The following CDH6 variants were observed in gnomAD, a reference collection of about 807,000 sequenced individuals.
CDH6 encodes the protein cadherin 6.
In CDH6, 31 loss-of-function variants were observed where a neutral mutation model predicts 78.0. The ratio of observed to expected loss-of-function variants is 0.40; its 90% CI spans 0.30 to 0.54. The LOEUF (loss-of-function observed/expected upper bound fraction) is 0.54, where lower values mean the gene tolerates loss of function less well. Among genes scored for constraint, CDH6 ranks in the 20% least tolerant of loss-of-function variants. CDH6 has a pLI of 0.56. For synonymous variants in CDH6, 376 were observed against 368.8 expected, an observed-to-expected ratio of 1.02 and a Z score of -0.23; for missense variants, 724 against 975.9, an observed-to-expected ratio of 0.74 and a Z score of 3.44.
At chr5:31,246,071 C>A (rs967758453) in intron 1 of CDH6, among the ~76,000 whole-genome samples, 3 of 151,898 alleles carry the variant, frequency 2.0e-5, no homozygotes, top group Non-Finnish European at 4.4e-5. Context: ...CCACACCCAG[C>A]TAAATTTTTT....
chr5:31,239,397 A>G (rs949254516), intron 1 of CDH6, among the ~76,000 whole-genome samples: 4 of 152,156 alleles, frequency 2.6e-5, no homozygotes, highest in Non-Finnish European at 5.9e-5. Flanking sequence ...TATTGCTGGG[A>G]TACTTCTGAT....
chr5:31,212,634 T>C (rs1740739494), intron 1 of CDH6, among the ~76,000 whole-genome samples: 1 of 152,158 alleles, frequency 6.6e-6, no homozygotes, highest in Non-Finnish European at 1.5e-5. Context: ...TGAAGAAGTT[T>C]GTCATCTTGG....
intron 2 of CDH6, among the ~76,000 whole-genome samples, chr5:31,281,119 C>T (rs1185420802): frequency 6.6e-6 from 1 of 152,026 alleles, no homozygotes; most frequent in Admixed American, 6.6e-5. Context: ...AAGTAAAAGT[C>T]AACATAAAAG....
chr5:31,285,047 C>A (rs1161829428), intron 2 of CDH6, among the ~76,000 whole-genome samples: 1 of 152,208 alleles, frequency 6.6e-6, no homozygotes, highest in East Asian at 1.9e-4. Flanking sequence ...CTGTATTGAG[C>A]TTCTAATCCT....
intron 2 of CDH6, among the ~76,000 whole-genome samples, chr5:31,276,519 A>G (rs982615318): frequency 7.9e-5 from 12 of 152,238 alleles, no homozygotes; most frequent in African/African-American, 2.9e-4. Flanking sequence ...TGATAAGGGC[A>G]TAATAAAAAG....
At chr5:31,310,217 T>C (rs982364353) in intron 7 of CDH6, among the ~76,000 whole-genome samples, 1 of 15,676 alleles carries the variant, frequency 6.4e-5, no homozygotes, top group Non-Finnish European at 4.6e-4. Context: ...AAGGGAGATA[T>C]TGGCCACAGG....
At chr5:31,303,090 C>G (rs973879333) in intron 6 of CDH6, among the ~76,000 whole-genome samples, 1 of 151,960 alleles carries the variant, frequency 6.6e-6, no homozygotes, top group Non-Finnish European at 1.5e-5. Context: ...TTATTAAGAA[C>G]CTCCTAAGTA....
At chr5:31,246,231 C>CCAACATAGCGATGTGACAAGAG in intron 1 of CDH6, among the ~76,000 whole-genome samples, 1 of 152,004 alleles carries the variant, frequency 6.6e-6, no homozygotes, top group Non-Finnish European at 1.5e-5. Flanking sequence ...TTAATGGACT[C>CCAACATAGCGATGTGACAAGAG]CAACATAGCG....
At position 31,293,942 on chromosome 5, in the gene CDH6, A is replaced by AT. The variant is rs371678033; in HGVS notation, c.229-10dup. On this transcript the variant is annotated intron_variant, in intron 2 of 11. Transcript: ENST00000265071. ...ACATGCTTGACTTTTACTTTCTTTAATTTTTTTTTTCTACACTAGTTACAT... is the reference window on the plus strand; with the variant it reads ...ACATGCTTGACTTTTACTTTCTTTAATTTTTTTTTTTCTACACTAGTTACAT... 10,530 of 1,376,782 alleles carry AT rather than the reference A, an allele frequency of 7.6e-3. No homozygotes were observed. Among genetic ancestry groups the AT allele is most frequent in the Non-Finnish European group, 8.5e-3 (8,587 of 1,010,050 alleles). 85.3% of individuals were successfully genotyped at this position (1,376,782 alleles called of 1,614,324 possible).
At position 31,317,505 on chromosome 5, in the gene CDH6, A is replaced by G. The variant is rs1479791736; in HGVS notation, c.1630+13A>G. The G allele has an allele frequency of 4.5e-6, 7 of 1,562,056 alleles. No individual in the cohort carries two copies. Among genetic ancestry groups the G allele is most frequent in the Non-Finnish European group, 6.2e-6 (7 of 1,134,926 alleles). On this transcript the variant is annotated intron_variant, in intron 10 of 11. Transcript: ENST00000265071. ...CAAGACAACAAAGGTAAATGAGTTCAAGTTACCTTCTCTATCTATCTCCAT... is the reference window on the plus strand; with the variant it reads ...CAAGACAACAAAGGTAAATGAGTTCGAGTTACCTTCTCTATCTATCTCCAT...
intron 1 of CDH6, among the ~76,000 whole-genome samples, chr5:31,229,313 T>C (rs1226483578): frequency 6.6e-6 from 1 of 152,240 alleles, no homozygotes; most frequent in Non-Finnish European, 1.5e-5. Context: ...CCAGTTCTGG[T>C]CACCATACTG....
chr5:31,231,431 C>A (rs903420927), intron 1 of CDH6, among the ~76,000 whole-genome samples: 1 of 152,190 alleles, frequency 6.6e-6, no homozygotes, highest in Non-Finnish European at 1.5e-5. Flanking sequence ...TGGACGCTTC[C>A]TGTCTCAGTC....
intron 1 of CDH6, among the ~76,000 whole-genome samples, chr5:31,244,048 G>A (rs1350690683): frequency 1.3e-5 from 2 of 152,154 alleles, no homozygotes; most frequent in Non-Finnish European, 2.9e-5. Context: ...TGGATTACCT[G>A]CCCAAAGATG....
rs1023166365 is a variant in CDH6 at position 31,328,842 on chromosome 5, T to C, written c.*5534T>C. On this transcript the variant is annotated 3_prime_UTR_variant, in exon 12 of 12. Coordinates refer to ENST00000265071, the MANE Select transcript of CDH6 (RefSeq NM_004932.4). ...AAGCAATGCTCAGTTCCCATCAACA[T>C]TTCTAGTTAGGGGGATTCTCATAAC... 3.2e-5 allele frequency: 7 copies of C among 219,042 alleles called. No individual in the cohort carries two copies. In the Admixed American group the frequency reaches 4.1e-4, roughly 13 times the overall value. The allele number at this position is 219,042 out of a possible 1,614,324, so 13.6% of individuals were successfully genotyped here.
chr5:31,256,055 G>T (rs886237320), intron 1 of CDH6, among the ~76,000 whole-genome samples: 1 of 152,208 alleles, frequency 6.6e-6, no homozygotes, highest in African/African-American at 2.4e-5. Flanking sequence ...TGTTTAGTGG[G>T]AAAGGTGAAG....
At chr5:31,260,942 C>G (rs908800148) in intron 1 of CDH6, among the ~76,000 whole-genome samples, 3 of 152,222 alleles carry the variant, frequency 2.0e-5, no homozygotes, top group Admixed American at 2.0e-4. Context: ...GATACCACTT[C>G]TAGAAGATCA....
chr5:31,230,748 A>G (rs942566181), intron 1 of CDH6, among the ~76,000 whole-genome samples: 5 of 152,210 alleles, frequency 3.3e-5, no homozygotes, highest in African/African-American at 7.2e-5. Context: ...GAGTTTAATC[A>G]AACTCAAAAT....
Position 31,313,378 on chromosome 5 carries a change from T to C in CDH6, c.1314T>C (p.Gly438=). ...TATTCAACATTGATTCTGGAAATGG[T>C]TCGATTTTTACATCGAAACTTCTTG... ...DRIFNIDSGN[G]SIFTSKLLDR... The change falls in exon 8 of 12, where the codon GGT becomes GGC. Residue 438 remains glycine (G), a synonymous_variant. Coordinates refer to ENST00000265071, the MANE Select transcript of CDH6 (RefSeq NM_004932.4). 1 of 1,613,926 alleles carries C rather than the reference T, an allele frequency of 6.2e-7. No homozygotes were observed. Among genetic ancestry groups the C allele is most frequent in the Middle Eastern group, 1.7e-4 (1 of 6,060 alleles).
At chr5:31,236,739 A>G (rs1387507406) in intron 1 of CDH6, among the ~76,000 whole-genome samples, 1 of 152,134 alleles carries the variant, frequency 6.6e-6, no homozygotes, top group Non-Finnish European at 1.5e-5. Flanking sequence ...CTGGCTGTGA[A>G]CCTGTTTTGA....
Sources: allele counts gnomAD v4.1 joint callset (sites outside exome capture counted in the v4.1 genomes callset), GRCh38; gene constraint gnomAD v4.1.1; transcripts MANE v1.5; gene names NCBI Gene and HGNC (gene_info 2026-07-23, HGNC 2026-07-21).